The following MAP2K3 variants were observed in gnomAD, a reference collection of about 807,000 sequenced individuals.
MAP2K3 encodes mitogen-activated protein kinase kinase 3.
MAP2K3 carries 30 observed loss-of-function variants against 46.4 expected under a neutral mutation model. The ratio of observed to expected loss-of-function variants is 0.65; its 90% CI spans 0.48 to 0.88. The LOEUF (loss-of-function observed/expected upper bound fraction) is 0.88, where lower values mean the gene tolerates loss of function less well. MAP2K3 is among the 40% of genes least tolerant of loss of function. The probability of loss-of-function intolerance (pLI) is 0.00; values close to 1 mark genes in which losing one functional copy is unlikely to be tolerated. For missense variants in MAP2K3, 380 were observed against 464.5 expected (o/e 0.82, Z 1.67); for synonymous variants, 189 against 176.3 (o/e 1.07, Z -0.57).
intron 1 of MAP2K3, among the ~76,000 whole-genome samples, chr17:21,297,004 G>C (rs1384592333): frequency 2.6e-5 from 4 of 152,304 alleles, no homozygotes; most frequent in Non-Finnish European, 4.4e-5. Context: ...TTGGTGGAAA[G>C]GCTGCAGGTA....
chr17:21,297,565 G>A (rs978834904), intron 1 of MAP2K3, among the ~76,000 whole-genome samples: 2 of 152,308 alleles, frequency 1.3e-5, no homozygotes, highest in Admixed American at 1.3e-4. Context: ...TGGAATGGCG[G>A]CTATGCCTTA....
At chr17:21,301,999 T>A in intron 5 of MAP2K3, 144 bp from the exon 6 acceptor site, 1 of 752,312 alleles carries the variant, frequency 1.3e-6, no homozygotes, top group Non-Finnish European at 2.2e-6. Flanking sequence ...GGGTGGTGGG[T>A]GGGAGCCCGG....
chr17:21,299,756 G>A (rs530432416), intron 3 of MAP2K3, among the ~76,000 whole-genome samples: 27 of 152,358 alleles, frequency 1.8e-4, no homozygotes. Flanking sequence ...GCTGAGGCGG[G>A]TAGATCACCT....
intron 1 of MAP2K3, among the ~76,000 whole-genome samples, chr17:21,289,896 A>T (rs1975836603): frequency 6.6e-6 from 1 of 152,140 alleles, no homozygotes; most frequent in East Asian, 1.9e-4. Flanking sequence ...TTCTCTGGGG[A>T]GGCCATGTCC....
intron 7 of MAP2K3, 68 bp downstream of exon 7, chr17:21,303,302 A>T: frequency 4.4e-6 from 7 of 1,606,722 alleles, no homozygotes; most frequent in Non-Finnish European, 5.9e-6. Context: ...AGGCGGGTGG[A>T]CGTCTCCCTA....
intron 1 of MAP2K3, among the ~76,000 whole-genome samples, chr17:21,287,225 A>G (rs1975747341): frequency 6.6e-6 from 1 of 152,346 alleles, no homozygotes; most frequent in Middle Eastern, 3.4e-3. Flanking sequence ...CGTCAGACCT[A>G]GAGGACAGAC....
intron 3 of MAP2K3, among the ~76,000 whole-genome samples, chr17:21,299,133 G>T (rs1258749841): frequency 6.6e-6 from 1 of 152,310 alleles, no homozygotes; most frequent in South Asian, 2.1e-4. Flanking sequence ...ACCATCGGCT[G>T]CCTGACTGGA....
rs769870063 is a variant in MAP2K3, at chr17:21,284,937, C to T, written c.17C>T (p.Ser6Leu). 11 of 1,612,002 alleles carry T rather than the reference C, an allele frequency of 6.8e-6. No individual in the cohort carries two copies. The highest frequency in any genetic ancestry group is 1.1e-5 in the South Asian group (1 of 90,910). ...ACTTGCAGCATGGAGTCGCCCGCCTCGAGCCAGCCCGCCAGCATGCCCCAG... is the reference window on the plus strand; with the variant it reads ...ACTTGCAGCATGGAGTCGCCCGCCTTGAGCCAGCCCGCCAGCATGCCCCAG... The part of the protein sequence containing the change: MESPA[S>L]SQPASMPQSK... Residue 6 changes from serine to leucine, a missense_variant, in exon 1 of 12, where the codon TCG (serine) becomes TTG (leucine). Around this residue, in one of 5 missense-constraint regions of MAP2K3, gnomAD observed 294 missense variants for 275.4 expected, o/e 1.07. Transcript: ENST00000342679.
intron 1 of MAP2K3, among the ~76,000 whole-genome samples, chr17:21,289,113 A>T (rs1975807871): frequency 6.6e-6 from 1 of 152,244 alleles, no homozygotes; most frequent in Non-Finnish European, 1.5e-5. Flanking sequence ...AGGCGCTGTG[A>T]CATGAGGCCT....
chr17:21,295,597 AC>A, intron 1 of MAP2K3: 1 of 1,282,570 alleles, frequency 7.8e-7, no homozygotes, highest in Admixed American at 2.3e-5. Context: ...TGACGGCCTC[AC>A]CCACTCCCTC....
At position 21,303,124 on chromosome 17, in the gene MAP2K3, T is replaced by C. The variant is rs1976698010; in HGVS notation, c.517-59T>C. On this transcript the variant is annotated intron_variant, in intron 6 of 11. Coordinates refer to ENST00000342679, the MANE Select transcript of MAP2K3 (RefSeq NM_145109.3). ...ATGGGGTCTTACTGCTCTGTCGTTTTTGACGTGACCAGGAATAACAGAGTC... is the reference window on the plus strand; with the variant it reads ...ATGGGGTCTTACTGCTCTGTCGTTTCTGACGTGACCAGGAATAACAGAGTC... 9 of 1,610,346 alleles carry C rather than the reference T, an allele frequency of 5.6e-6. No homozygotes were observed. In the South Asian group the frequency reaches 1.0e-4, roughly 18 times the overall value.
In MAP2K3 at chr17:21,300,935, A is replaced by G; in HGVS notation, c.341A>G (p.Asn114Ser). 6.2e-7 allele frequency: 1 copy of G among 1,614,272 alleles called. No homozygotes were observed. The highest frequency in any genetic ancestry group is 8.5e-7 in the Non-Finnish European group (1 of 1,180,046). Reference protein sequence around the residue: ...QKRLLMDLDINMRTVDCFYTV... With the variant: ...QKRLLMDLDISMRTVDCFYTV... ...CGGCTGCTCATGGACCTGGACATCA[A>G]CATGCGCACGGTCGACTGTTTCTAC... The change falls in exon 5 of 12, where the codon AAC becomes AGC. Residue 114 changes from asparagine (N) to serine (S), a missense_variant. This residue lies in a region of MAP2K3 where 294 missense variants were observed against 275.4 expected (regional missense o/e 1.07). Transcript: ENST00000342679.
chr17:21,289,902 T>C (rs1444404207), intron 1 of MAP2K3, among the ~76,000 whole-genome samples: 1 of 152,202 alleles, frequency 6.6e-6, no homozygotes, highest in South Asian at 2.1e-4. Context: ...GGGGAGGCCA[T>C]GTCCAGCTGT....
chr17:21,301,144 C>G (rs1380405528), intron 5 of MAP2K3, 151 bp downstream of exon 5: 1 of 1,356,156 alleles, frequency 7.4e-7, no homozygotes, highest in Non-Finnish European at 1.0e-6. Context: ...TGTTACTGTC[C>G]TGCTCAGTGC....
At chr17:21,310,291 G>A (rs534920396) in intron 9 of MAP2K3, among the ~76,000 whole-genome samples, 9 of 152,234 alleles carry the variant, frequency 5.9e-5, no homozygotes, top group African/African-American at 2.2e-4. Flanking sequence ...TTATAGGTGT[G>A]AGCCACCGCA....
At chr17:21,302,068 G>C in intron 5 of MAP2K3, 75 bp from the exon 6 acceptor site, 1 of 1,447,652 alleles carries the variant, frequency 6.9e-7, no homozygotes, top group East Asian at 2.3e-5. Context: ...TGGGGCTGGT[G>C]CTGGGGCAGG....
At chr17:21,294,116 C>G (rs1976103183) in intron 1 of MAP2K3, among the ~76,000 whole-genome samples, 1 of 152,310 alleles carries the variant, frequency 6.6e-6, no homozygotes, top group African/African-American at 2.4e-5. Context: ...CTCGGGGCCT[C>G]AGTTTCCCCC....
intron 9 of MAP2K3, among the ~76,000 whole-genome samples, chr17:21,309,577 T>C (rs1198707999): frequency 7.2e-5 from 11 of 151,900 alleles, no homozygotes; most frequent in Non-Finnish European, 1.6e-4. Flanking sequence ...AAATACGTTT[T>C]ATTAAAATTT....
intron 1 of MAP2K3, among the ~76,000 whole-genome samples, chr17:21,298,055 G>C (rs1262870780): frequency 1.3e-5 from 2 of 152,310 alleles, no homozygotes; most frequent in African/African-American, 4.8e-5. Flanking sequence ...GACCCCCGCT[G>C]GGCCCCTTCT....
Sources: gnomAD v4.1 joint callset for allele counts (sites outside exome capture counted in the v4.1 genomes callset) on GRCh38, gnomAD v4.1.1 for gene constraint, gnomAD v4.1.1 regional missense constraint, MANE v1.5 for transcripts, NCBI Gene and HGNC (gene_info 2026-07-23, HGNC 2026-07-21) for gene names.